UBE2E1: variants seen among roughly 807,000 people sequenced by gnomAD.
The protein encoded by UBE2E1 is ubiquitin-conjugating enzyme E2 E1.
UBE2E1 carries 6 observed loss-of-function variants against 21.4 expected under a neutral mutation model. The ratio of observed to expected loss-of-function variants is 0.28; its 90% CI spans 0.15 to 0.55. The LOEUF is 0.55. UBE2E1 is among the 20% of genes least tolerant of loss of function. The probability of loss-of-function intolerance (pLI) is 0.93; values close to 1 mark genes in which losing one functional copy is unlikely to be tolerated. For synonymous variants in UBE2E1, 87 were observed against 82.7 expected, an observed-to-expected ratio of 1.05 and a Z score of -0.28; for missense variants, 142 against 236.5, an observed-to-expected ratio of 0.60 and a Z score of 2.62.
chr3:23,864,458 C>T lies in UBE2E1; in HGVS notation c.204-23109C>T, dbSNP rs147135188. On this transcript the variant is annotated intron_variant, in intron 3 of 5. Transcript: ENST00000306627. The stretch of plus-strand genomic sequence containing the variant: ...GTCCTTTAATTGTTGTATCTTTTCT[C>T]TCCTATTTGCAGCCTTTCTTCTACT... Among the ~76,000 whole-genome samples, 4 of 152,206 alleles carry T rather than the reference C, an allele frequency of 2.6e-5. No homozygotes were observed. The East Asian group carries it at 5.8e-4, about 22-fold the overall frequency.
intron 3 of UBE2E1, among the ~76,000 whole-genome samples, chr3:23,820,135 C>T (rs1699616694): frequency 6.6e-6 from 1 of 152,182 alleles, no homozygotes; most frequent in South Asian, 2.1e-4. Flanking sequence ...AGACATCTGA[C>T]ACATCCCATG....
At chr3:23,885,242 C>A (rs890125687) in intron 3 of UBE2E1, among the ~76,000 whole-genome samples, 2 of 152,138 alleles carry the variant, frequency 1.3e-5, no homozygotes, top group South Asian at 2.1e-4. Context: ...ATTTCTACCC[C>A]CTAACCCAGT....
At chr3:23,848,418 T>G (rs138195727) in intron 3 of UBE2E1, among the ~76,000 whole-genome samples, 171 of 151,510 alleles carry the variant, frequency 1.1e-3, no homozygotes, top group Non-Finnish European at 2.0e-3. Flanking sequence ...TGCAGTGAGC[T>G]GAGATCGTGC....
chr3:23,840,252 T>C (rs1324958517), intron 3 of UBE2E1, among the ~76,000 whole-genome samples: 1 of 152,228 alleles, frequency 6.6e-6, no homozygotes, highest in Non-Finnish European at 1.5e-5. Context: ...GTCCACTAAT[T>C]TCATTATCTG....
intron 3 of UBE2E1, among the ~76,000 whole-genome samples, chr3:23,840,036 G>T (rs913745423): frequency 6.6e-6 from 1 of 151,946 alleles, no homozygotes; most frequent in Non-Finnish European, 1.5e-5. Flanking sequence ...AATTTTTATG[G>T]CTGACTTCAA....
chr3:23,821,336 AG>A (rs1232057355), intron 3 of UBE2E1, among the ~76,000 whole-genome samples: 1 of 152,268 alleles, frequency 6.6e-6, no homozygotes, highest in African/African-American at 2.4e-5. Flanking sequence ...CCTTGTGAAA[AG>A]TACCAGAAGA....
chr3:23,844,095 G>C (rs555161835), intron 3 of UBE2E1, among the ~76,000 whole-genome samples: 50 of 152,278 alleles, frequency 3.3e-4, no homozygotes, highest in Non-Finnish European at 7.1e-4. Context: ...AGAGCCATGT[G>C]GGTGGGGTTT....
chr3:23,889,414 TCTA>T (rs1398862162), intron 5 of UBE2E1, 155 bp downstream of exon 5: 3 of 1,484,420 alleles, frequency 2.0e-6, no homozygotes, highest in Non-Finnish European at 2.7e-6. Context: ...TCAAGTTCAG[TCTA>T]CTAGTTGAGA....
chr3:23,819,386 A>G (rs1479079223), intron 3 of UBE2E1, among the ~76,000 whole-genome samples: 1 of 152,192 alleles, frequency 6.6e-6, no homozygotes, highest in African/African-American at 2.4e-5. Context: ...CTTAGGCCCT[A>G]AGTGGGAGAA....
chr3:23,873,544 G>A (rs1236916158), intron 3 of UBE2E1, among the ~76,000 whole-genome samples: 3 of 152,252 alleles, frequency 2.0e-5, no homozygotes, highest in South Asian at 2.1e-4. Flanking sequence ...TCAGGAGTTC[G>A]AGACCAGCCT....
intron 3 of UBE2E1, among the ~76,000 whole-genome samples, chr3:23,884,323 GCTC>G (rs1214290206): frequency 1.3e-5 from 2 of 152,166 alleles, no homozygotes; most frequent in South Asian, 2.1e-4. Context: ...TCAAACTTAT[GCTC>G]CTAACTGGTT....
chr3:23,866,507 T>C (rs1025924457), intron 3 of UBE2E1: 6 of 151,768 alleles, frequency 4.0e-5, no homozygotes, highest in Non-Finnish European at 8.8e-5. Flanking sequence ...CTATACCTGC[T>C]TTTTTTTAGC....
In UBE2E1 at chr3:23,876,619, G is replaced by GGTTTTTT. The variant is rs897435856; in HGVS notation, c.204-10936_204-10930dup. ...TAAGCATTTTGTAAATTCAGTTTTG[G>GGTTTTTT]GTTTTTTGTTTTTTGTTTCTTGTTT... On this transcript the variant is annotated intron_variant, in intron 3 of 5. Coordinates refer to ENST00000306627, the MANE Select transcript of UBE2E1 (RefSeq NM_003341.5). This position sits in a 1 kb window ranked among gnomAD's most constrained non-coding sequence, Gnocchi z 4.3. Among the ~76,000 whole-genome samples, 4 of 151,930 alleles carry GGTTTTTT rather than the reference G, an allele frequency of 2.6e-5. No individual in the cohort carries two copies. In the East Asian group the frequency reaches 7.7e-4, roughly 29 times the overall value.
chr3:23,847,697 G>A (rs1432876928), intron 3 of UBE2E1, among the ~76,000 whole-genome samples: 41 of 151,742 alleles, frequency 2.7e-4, no homozygotes, highest in Admixed American at 1.8e-3. Context: ...GGGTTTCACC[G>A]TGTTAGCCAG....
chr3:23,833,216 T>C (rs1699905502), intron 3 of UBE2E1, among the ~76,000 whole-genome samples: 1 of 152,116 alleles, frequency 6.6e-6, no homozygotes, highest in African/African-American at 2.4e-5. Flanking sequence ...GAGTATAAAA[T>C]GGAGATATTT....
chr3:23,869,348 A>G (rs1286637212), intron 3 of UBE2E1, among the ~76,000 whole-genome samples: 2 of 84,504 alleles, frequency 2.4e-5, no homozygotes, highest in African/African-American at 5.5e-5. Context: ...ACTTTATGGT[A>G]TCCTTTTTTT....
In UBE2E1 at chr3:23,842,246, TGTG is replaced by T. The variant is rs1553637735; in HGVS notation, c.203+30740_203+30742del. ...GTGTGTGTGTGTGTGTGTGTGTGTG[TGTG>T]GTGTTGTTGTTGTTGGCGACAGGGT... On this transcript the variant is annotated intron_variant, in intron 3 of 5. Coordinates refer to ENST00000306627, the MANE Select transcript of UBE2E1 (RefSeq NM_003341.5). The surrounding 1 kb of genome is among the most constrained non-coding windows in gnomAD (Gnocchi z 4.6). 7.3e-4 allele frequency among the ~76,000 whole-genome samples: 27 copies of T among 36,756 alleles called. No homozygotes were observed. Among genetic ancestry groups the T allele is most frequent in the Non-Finnish European group, 1.7e-3 (23 of 13,616 alleles). 24.1% of individuals were successfully genotyped at this position (36,756 alleles called of 152,430 possible). A position where few individuals can be genotyped will look rare whatever the true frequency, so the allele number is the denominator to read the frequency against.
Position 23,876,787 on chromosome 3 carries a change from G to A in UBE2E1, c.204-10780G>A, listed in dbSNP as rs1315895832. Reference sequence around the variant, plus strand: ...AAAATCAGAACTGTGGCTCACTACTGTAATGTCAGTGCTTTCAGAGGCCAA... The same window carrying A: ...AAAATCAGAACTGTGGCTCACTACTATAATGTCAGTGCTTTCAGAGGCCAA... On this transcript the variant is annotated intron_variant, in intron 3 of 5. Coordinates refer to ENST00000306627, the MANE Select transcript of UBE2E1 (RefSeq NM_003341.5). This position sits in a 1 kb window ranked among gnomAD's most constrained non-coding sequence, Gnocchi z 4.3. 6.6e-6 allele frequency among the ~76,000 whole-genome samples: 1 copy of A among 152,178 alleles called. No individual in the cohort carries two copies. The highest frequency in any genetic ancestry group is 1.9e-4 in the East Asian group (1 of 5,198).
chr3:23,812,112 A>G (rs1699407683), intron 3 of UBE2E1, among the ~76,000 whole-genome samples: 1 of 152,186 alleles, frequency 6.6e-6, no homozygotes, highest in African/African-American at 2.4e-5. Context: ...TTCAAAACAA[A>G]TTGAAACCAG....
Sources: gnomAD v4.1 joint callset for allele counts (sites outside exome capture counted in the v4.1 genomes callset) on GRCh38, gnomAD v4.1.1 for gene constraint, Gnocchi (gnomAD v3.1) non-coding constraint, MANE v1.5 for transcripts, NCBI Gene and HGNC (gene_info 2026-07-23, HGNC 2026-07-21) for gene names.